Variants in ZNF91 observed in about 807,000 individuals in gnomAD.
The protein encoded by ZNF91 is zinc finger protein 91 (HPF7, HTF10).
ZNF91 carries 7 observed loss-of-function variants against 12.6 expected under a neutral mutation model. The ratio of observed to expected loss-of-function variants is 0.55; its 90% confidence interval spans 0.31 to 1.04. ZNF91 has a LOEUF of 1.04. ZNF91 is among the 50% of genes least tolerant of loss of function. The pLI, the probability that ZNF91 is intolerant of heterozygous loss-of-function variation, is 0.05. For synonymous variants in ZNF91, 453 were observed against 462.6 expected, an observed-to-expected ratio of 0.98 and a Z score of 0.27; for missense variants, 1,217 against 1,385.4, an observed-to-expected ratio of 0.88 and a Z score of 1.93.
chr19:23,354,109 T>C (rs949204870), downstream of ZNF91, among the ~76,000 whole-genome samples: 5 of 152,112 alleles, frequency 3.3e-5, no homozygotes, highest in African/African-American at 1.2e-4. Context: ...AGCATCACCC[T>C]AATACCAAAA....
chr19:23,359,873 T>C lies in ZNF91; in HGVS notation c.3106A>G (p.Lys1036Glu). ...TGAATTATCTTATGTGTAGTAAGCTTTGAGGATCGATTAAAAGCTTTGCCA... is the reference window on the plus strand; with the variant it reads ...TGAATTATCTTATGTGTAGTAAGCTCTGAGGATCGATTAAAAGCTTTGCCA... The part of the protein sequence containing the change: ...ECGKAFNRSS[K>E]LTTHKIIHTG... The change falls in exon 4 of 4, where the codon AAG becomes GAG. Residue 1036 changes from lysine to glutamate, a missense_variant. Physicochemically the swap from Lys to Glu is moderately conservative, Grantham distance 56. This residue lies in a region of ZNF91 where 491 missense variants were observed against 489.8 expected (regional missense o/e 1.00). Transcript: ENST00000300619. The C allele has an allele frequency of 1.3e-6, 2 of 1,589,494 alleles. No individual in the cohort carries two copies. The highest frequency in any genetic ancestry group is 1.7e-4 in the Middle Eastern group (1 of 5,996).
chr19:23,365,442 A>G (rs923145031), intron 3 of ZNF91, among the ~76,000 whole-genome samples: 1 of 152,184 alleles, frequency 6.6e-6, no homozygotes, highest in South Asian at 2.1e-4. Flanking sequence ...GTAAATAACA[A>G]TAAGAAATGC....
In ZNF91 at chr19:23,351,345, AG is replaced by A. The variant is rs757689899; in HGVS notation, c.254-12292del. On this transcript the variant is annotated intron_variant, in intron 3 of 3. Coordinates refer to the ZNF91 transcript ENST00000599743. Reference sequence around the variant, plus strand: ...CCACAGAAAAAGAAAAAAAAAAAAAAGAAAGAAAAGAAAAGAAAAATGCTTT... The same window carrying A: ...CCACAGAAAAAGAAAAAAAAAAAAAAAAAGAAAAGAAAAGAAAAATGCTTT... Among the ~76,000 whole-genome samples the A allele has an allele frequency of 4.4e-3, 663 of 151,672 alleles. 4 individuals carry two copies. Among genetic ancestry groups the A allele is most frequent in the Non-Finnish European group, 7.2e-3 (492 of 67,880 alleles).
In ZNF91 at chr19:23,363,200, T is replaced by C. The variant is rs748376720; in HGVS notation, c.254-475A>G. Among the ~76,000 whole-genome samples the C allele has an allele frequency of 4.6e-5, 7 of 152,212 alleles. No individual in the cohort carries two copies. The South Asian group carries it at 6.2e-4, about 14-fold the overall frequency. ...ATAACAGAGTGCCTTTAGAAGTAAATTGCCAACTCCTGGTTTATGTTTTAA... is the reference window on the plus strand; with the variant it reads ...ATAACAGAGTGCCTTTAGAAGTAAACTGCCAACTCCTGGTTTATGTTTTAA... On this transcript the variant is annotated intron_variant, in intron 3 of 3. Coordinates refer to ENST00000300619, the MANE Select transcript of ZNF91 (RefSeq NM_003430.4).
At chr19:23,337,125 C>G (rs1968026200), downstream of ZNF91, among the ~76,000 whole-genome samples, 2 of 152,090 alleles carry the variant, frequency 1.3e-5, no homozygotes, top group African/African-American at 4.8e-5. Flanking sequence ...TTCTCACCAT[C>G]TACCCCACCC....
chr19:23,328,395 G>A (rs890364692), intron 1 of ZNF91: 8 of 152,184 alleles, frequency 5.3e-5, no homozygotes, highest in Non-Finnish European at 1.0e-4. Flanking sequence ...GAAGGAAAAA[G>A]AATGCTTCAG....
chr19:23,347,114 C>A (rs1261798510), intron 3 of ZNF91, among the ~76,000 whole-genome samples: 1 of 129,696 alleles, frequency 7.7e-6, no homozygotes, highest in African/African-American at 3.1e-5. Context: ...TATAGTGTCA[C>A]CCCCCCTACA....
chr19:23,365,774 C>A (rs527344954), intron 3 of ZNF91, among the ~76,000 whole-genome samples: 11 of 151,956 alleles, frequency 7.2e-5, no homozygotes, highest in African/African-American at 2.7e-4. Context: ...TGACTCTTAA[C>A]GAGCATGCTG....
intron 3 of ZNF91, among the ~76,000 whole-genome samples, chr19:23,370,060 G>A (rs1969212056): frequency 6.7e-6 from 1 of 149,708 alleles, no homozygotes; most frequent in Admixed American, 6.7e-5. Flanking sequence ...TATATTGATT[G>A]TTGGTGGAAA....
chr19:23,341,002 A>T (rs1968112577), intron 3 of ZNF91, among the ~76,000 whole-genome samples: 1 of 151,922 alleles, frequency 6.6e-6, no homozygotes, highest in African/African-American at 2.4e-5. Context: ...ACATACAAAT[A>T]GCCAACACGC....
chr19:23,350,167 C>G (rs1266891934), intron 3 of ZNF91, among the ~76,000 whole-genome samples: 1 of 152,190 alleles, frequency 6.6e-6, no homozygotes, highest in Non-Finnish European at 1.5e-5. Context: ...AGTTTAATAT[C>G]TCCAATTGTT....
At chr19:23,381,149 T>C (rs1297344524) in intron 1 of ZNF91, among the ~76,000 whole-genome samples, 2 of 152,214 alleles carry the variant, frequency 1.3e-5, no homozygotes, top group African/African-American at 4.8e-5. Context: ...TATGTAATTA[T>C]GAATAATTTT....
intron 1 of ZNF91, 81 bp downstream of exon 1, chr19:23,395,244 C>G: frequency 1.1e-5 from 17 of 1,557,158 alleles, no homozygotes; most frequent in Non-Finnish European, 1.5e-5. Flanking sequence ...GAAGGAAGGC[C>G]TGAGGCTCGC....
At chr19:23,372,253 C>CTCCT (rs1969310280) in intron 3 of ZNF91, among the ~76,000 whole-genome samples, 1 of 152,016 alleles carries the variant, frequency 6.6e-6, no homozygotes, top group Non-Finnish European at 1.5e-5. Context: ...ATTTGCTTAT[C>CTCCT]TCCTGACAGC....
chr19:23,388,690 G>A (rs893788857), intron 1 of ZNF91, among the ~76,000 whole-genome samples: 5 of 152,084 alleles, frequency 3.3e-5, no homozygotes, highest in African/African-American at 1.2e-4. Flanking sequence ...TGGCCATTAT[G>A]GTGAAACGCC....
rs296091 is a variant in ZNF91, at chr19:23,362,645, A to G, written c.334T>C (p.Tyr112His). 0.07 allele frequency: 109,596 copies of G among 1,572,416 alleles called. 6,638 individuals carry two copies. Among genetic ancestry groups the G allele is most frequent in the East Asian group, 0.32 (14,342 of 44,680 alleles). The change falls in exon 4 of 4, where the codon TAT (tyrosine) becomes CAT (histidine). Residue 112 changes from tyrosine (Y) to histidine (H), a missense_variant. Coordinates refer to ENST00000300619, the MANE Select transcript of ZNF91 (RefSeq NM_003430.4). ...DSFQKVLLRK[Y>H]EKCGHENLQL... ...AAATTCTCATGTCCACATTTTTCAT[A>G]TTTTCTCAGTAATACTTTTTGAAAA...
chr19:23,360,925 G>A lies in ZNF91; in HGVS notation c.2054C>T (p.Pro685Leu), dbSNP rs867302339. 1.2e-6 allele frequency: 2 copies of A among 1,613,604 alleles called. No homozygotes were observed. Among genetic ancestry groups the A allele is most frequent in the Non-Finnish European group, 8.5e-7 (1 of 1,179,790 alleles). ...NHKITHTEEK[P>L]YKCKECDKTF... ...TTTGTCACATTCTTTACATTTGTAG[G>A]GTTTCTCTTCAGTATGAGTTATCTT... Residue 685 changes from proline (P) to leucine (L), a missense_variant, in exon 4 of 4, where the codon CCC becomes CTC. By Grantham distance (98) the Pro-to-Leu change is moderately conservative (BLOSUM62 -3). Around this residue, in one of 2 missense-constraint regions of ZNF91, gnomAD observed 726 missense variants for 895.5 expected, o/e 0.81. Transcript: ENST00000300619.
At chr19:23,395,197 G>C in intron 1 of ZNF91, 128 bp downstream of exon 1, 1 of 1,205,078 alleles carries the variant, frequency 8.3e-7, no homozygotes, top group Non-Finnish European at 1.2e-6. Context: ...GGCCGAGCTG[G>C]GCAAGGAGAA....
chr19:23,326,606 C>T (rs998817096), intron 1 of ZNF91: 5 of 152,130 alleles, frequency 3.3e-5, no homozygotes, highest in Non-Finnish European at 7.4e-5. Context: ...GGATTACAGG[C>T]ATAAGACACC....
Sources: allele counts gnomAD v4.1 joint callset (sites outside exome capture counted in the v4.1 genomes callset), GRCh38; gene constraint gnomAD v4.1.1; regional missense constraint gnomAD v4.1.1; transcripts MANE v1.5; gene names NCBI Gene and HGNC (gene_info 2026-07-23, HGNC 2026-07-21).